Variants in INAFM2 observed in about 807,000 individuals in gnomAD.
INAFM2 encodes the protein InaF motif containing 2, also known as putative transmembrane protein INAFM2.
Under a neutral mutation model 5.6 loss-of-function variants are expected in INAFM2, and 3 were observed. That is an observed-to-expected ratio of 0.54 (90% CI 0.24 to 1.39). INAFM2 has a LOEUF of 1.39. INAFM2 is among the 40% of genes most tolerant of loss of function. The probability of loss-of-function intolerance (pLI) is 0.16; values close to 1 mark genes in which losing one functional copy is unlikely to be tolerated. For synonymous variants in INAFM2, 113 were observed against 109.1 expected, an observed-to-expected ratio of 1.04 and a Z score of -0.22; for missense variants, 186 against 217.5, an observed-to-expected ratio of 0.86 and a Z score of 0.91.
rs150755310 is a variant in INAFM2 at position 40,325,746 on chromosome 15, C to T, written c.*1229C>T. On this transcript the variant is annotated 3_prime_UTR_variant, in exon 1 of 1. Transcript: ENST00000638170. ...CTTTGAGAACCAGCTAATAGACCAG[C>T]CGAGGGAAGGTTGAATTGGCTGTCT... 1 of 152,282 alleles carries T rather than the reference C, an allele frequency of 6.6e-6. No individual in the cohort carries two copies. The highest frequency in any genetic ancestry group is 2.4e-5 in the African/African-American group (1 of 41,548). 9.4% of individuals were successfully genotyped at this position (152,282 alleles called of 1,614,324 possible).
At position 40,324,443 on chromosome 15, in the gene INAFM2, G is replaced by T. The variant is rs991341702; in HGVS notation, c.388G>T (p.Ala130Ser). The T allele has an allele frequency of 8.2e-7, 1 of 1,226,888 alleles. No individual in the cohort carries two copies. Among genetic ancestry groups the T allele is most frequent in the African/African-American group, 1.6e-5 (1 of 64,112 alleles). The allele number at this position is 1,226,888 out of a possible 1,614,324, so 76.0% of individuals were successfully genotyped here. ...GGAGCCCCCTGCGGACAGCCCCCCGGCCGGGCCGCTCGAGCGGCCTCGGGG... is the reference window on the plus strand; with the variant it reads ...GGAGCCCCCTGCGGACAGCCCCCCGTCCGGGCCGCTCGAGCGGCCTCGGGG... ...PPEPPADSPP[A>S]GPLERPRGPD... Residue 130 changes from alanine to serine, a missense_variant, in exon 1 of 1, where the codon GCC (alanine) becomes TCC (serine). By Grantham distance (99) the Ala-to-Ser change is moderately conservative. Around this residue, in one of 2 missense-constraint regions of INAFM2, gnomAD observed 148 missense variants for 140.2 expected, o/e 1.06. Coordinates refer to ENST00000638170, the MANE Select transcript of INAFM2 (RefSeq NM_001301268.2).
In INAFM2 at chr15:40,324,512, C is replaced by T. The variant is rs1230515604; in HGVS notation, c.457C>T (p.Arg153Cys). 1 of 1,226,084 alleles carries T rather than the reference C, an allele frequency of 8.2e-7. No homozygotes were observed. The highest frequency in any genetic ancestry group is 1.0e-6 in the Non-Finnish European group (1 of 984,348). The allele number at this position is 1,226,084 out of a possible 1,614,324, so 76.0% of individuals were successfully genotyped here. A position where few individuals can be genotyped will look rare whatever the true frequency, so the allele number is the denominator to read the frequency against. ...GGAAACGGCGGCGGCGCCCGGGAGT[C>T]GTTGAAGCCCTCCGCGCTGGGGGCC... is the stretch of plus-strand genomic sequence containing the variant. ...EEETAAAPGS[R>C] Residue 153 changes from arginine to cysteine, a missense_variant, in exon 1 of 1, where the codon CGT (arginine) becomes TGT (cysteine). This residue lies in a region of INAFM2 where 148 missense variants were observed against 140.2 expected (regional missense o/e 1.06). Transcript: ENST00000638170.
At position 40,324,284 on chromosome 15, in the gene INAFM2, C is replaced by G. The variant is rs1845696209; in HGVS notation, c.229C>G (p.Pro77Ala). Residue 77 changes from proline to alanine, a missense_variant, in exon 1 of 1, where the codon CCC becomes GCC. Pro to Ala is a conservative substitution (Grantham distance 27). Around this residue, in one of 2 missense-constraint regions of INAFM2, gnomAD observed 148 missense variants for 140.2 expected, o/e 1.06. Coordinates refer to ENST00000638170, the MANE Select transcript of INAFM2 (RefSeq NM_001301268.2). ...GTSGGAAGPP[P>A]GGSNATGPSG... ...CTCGGGGGGAGCCGCTGGCCCGCCC[C>G]CCGGCGGCTCCAACGCCACTGGCCC... 8.1e-7 allele frequency: 1 copy of G among 1,228,678 alleles called. No homozygotes were observed. Among genetic ancestry groups the G allele is most frequent in the Admixed American group, 4.2e-5 (1 of 23,600 alleles). 76.1% of individuals were successfully genotyped at this position (1,228,678 alleles called of 1,614,324 possible).
At position 40,324,327 on chromosome 15, in the gene INAFM2, C is replaced by G; in HGVS notation, c.272C>G (p.Ala91Gly). The G allele has an allele frequency of 8.2e-7, 1 of 1,222,818 alleles. No homozygotes were observed. Among genetic ancestry groups the G allele is most frequent in the Middle Eastern group, 3.1e-4 (1 of 3,176 alleles). The allele number at this position is 1,222,818 out of a possible 1,614,324, so 75.7% of individuals were successfully genotyped here. Residue 91 changes from alanine (A) to glycine (G), a missense_variant, in exon 1 of 1, where the codon GCG (alanine) becomes GGG (glycine). This residue lies in a region of INAFM2 where 148 missense variants were observed against 140.2 expected (regional missense o/e 1.06). Coordinates refer to ENST00000638170, the MANE Select transcript of INAFM2 (RefSeq NM_001301268.2). ...ACTGGCCCGTCTGGGACTTCGGGGG[C>G]GGCGGCGGCGGGGCCCAACACCACT... ...NATGPSGTSG[A>G]AAAGPNTTGS...
Position 40,324,178 on chromosome 15 carries a change from C to T in INAFM2, c.123C>T (p.Ala41=), listed in dbSNP as rs965480540. ...KKWVRLATVF[A]YVLSVSLAAI... ...GGGTCCGGCTCGCCACCGTGTTCGC[C>T]TACGTGCTCTCCGTGTCGCTGGCCG... The change falls in exon 1 of 1, where the codon GCC becomes GCT. Residue 41 remains alanine, a synonymous_variant. Transcript: ENST00000638170. The T allele has an allele frequency of 4.9e-6, 6 of 1,229,246 alleles. No individual in the cohort carries two copies. The African/African-American group carries it at 6.2e-5, about 13-fold the overall frequency. 76.1% of individuals were successfully genotyped at this position (1,229,246 alleles called of 1,614,324 possible).
rs1454626321 is a variant in INAFM2 at position 40,325,988 on chromosome 15, G to A, written c.*1471G>A. On this transcript the variant is annotated 3_prime_UTR_variant, in exon 1 of 1. Coordinates refer to ENST00000638170, the MANE Select transcript of INAFM2 (RefSeq NM_001301268.2). Reference sequence around the variant, plus strand: ...TAGTGTTTCCATTTTGGGAAATGAGGCACTATTTTTTTTTTTAAAAGACAA... The same window carrying A: ...TAGTGTTTCCATTTTGGGAAATGAGACACTATTTTTTTTTTTAAAAGACAA... The A allele has an allele frequency of 3.9e-5, 6 of 152,128 alleles. No individual in the cohort carries two copies. Among genetic ancestry groups the A allele is most frequent in the African/African-American group, 1.4e-4 (6 of 41,400 alleles). The allele number at this position is 152,128 out of a possible 1,614,324, so 9.4% of individuals were successfully genotyped here. A position where few individuals can be genotyped will look rare whatever the true frequency, so the allele number is the denominator to read the frequency against.
chr15:40,324,601 G>A lies in INAFM2; in HGVS notation c.*84G>A, dbSNP rs2141240272. ...CGCAGCAGGATGGGGTGGAGAGCCCGCGGGAGTGACCCCCACGAGAGTGAA... is the reference window on the plus strand; with the variant it reads ...CGCAGCAGGATGGGGTGGAGAGCCCACGGGAGTGACCCCCACGAGAGTGAA... On this transcript the variant is annotated 3_prime_UTR_variant, in exon 1 of 1. Transcript: ENST00000638170. 2 of 1,005,092 alleles carry A rather than the reference G, an allele frequency of 2.0e-6. No homozygotes were observed. The highest frequency in any genetic ancestry group is 2.5e-6 in the Non-Finnish European group (2 of 785,562). The allele number at this position is 1,005,092 out of a possible 1,614,324, so 62.3% of individuals were successfully genotyped here.
chr15:40,325,771 T>C lies in INAFM2; in HGVS notation c.*1254T>C, dbSNP rs1161939049. The stretch of plus-strand genomic sequence containing the variant: ...CCGAGGGAAGGTTGAATTGGCTGTC[T>C]TTACTTTTCCCGATAAGCCCTACTT... On this transcript the variant is annotated 3_prime_UTR_variant, in exon 1 of 1. Transcript: ENST00000638170. 2.6e-5 allele frequency: 4 copies of C among 152,238 alleles called. No individual in the cohort carries two copies. Among genetic ancestry groups the C allele is most frequent in the African/African-American group, 9.6e-5 (4 of 41,460 alleles). The allele number at this position is 152,238 out of a possible 1,614,324, so 9.4% of individuals were successfully genotyped here.
chr15:40,324,611 C>A lies in INAFM2; in HGVS notation c.*94C>A. The A allele has an allele frequency of 2.1e-6, 2 of 931,096 alleles. No homozygotes were observed. The highest frequency in any genetic ancestry group is 2.8e-6 in the Non-Finnish European group (2 of 718,758). The allele number at this position is 931,096 out of a possible 1,614,324, so 57.7% of individuals were successfully genotyped here. ...TGGGGTGGAGAGCCCGCGGGAGTGA[C>A]CCCCACGAGAGTGAACGCCCCTCAC... is the stretch of plus-strand genomic sequence containing the variant. On this transcript the variant is annotated 3_prime_UTR_variant, in exon 1 of 1. Transcript: ENST00000638170.
In INAFM2 at chr15:40,324,563, A is replaced by G. The variant is rs1379332200; in HGVS notation, c.*46A>G. ...GCCGGGAACCATTCTCCCCAAGCCC[A>G]GAGGCAGGACTTCGCAGCAGGATGG... On this transcript the variant is annotated 3_prime_UTR_variant, in exon 1 of 1. Coordinates refer to ENST00000638170, the MANE Select transcript of INAFM2 (RefSeq NM_001301268.2). The G allele has an allele frequency of 7.6e-6, 9 of 1,184,152 alleles. No individual in the cohort carries two copies. The Admixed American group carries it at 3.1e-4, about 40-fold the overall frequency. 73.4% of individuals were successfully genotyped at this position (1,184,152 alleles called of 1,614,324 possible).
rs969801821 is a variant in INAFM2, at chr15:40,325,345, C to G, written c.*828C>G. On this transcript the variant is annotated 3_prime_UTR_variant, in exon 1 of 1. Coordinates refer to ENST00000638170, the MANE Select transcript of INAFM2 (RefSeq NM_001301268.2). ...GTACTCATCCCCTCTTCTTTCCATCCTAGTGCCCCCACCAAAGAGGCTTCT... is the reference window on the plus strand; with the variant it reads ...GTACTCATCCCCTCTTCTTTCCATCGTAGTGCCCCCACCAAAGAGGCTTCT... 1 of 152,192 alleles carries G rather than the reference C, an allele frequency of 6.6e-6. No individual in the cohort carries two copies. Among genetic ancestry groups the G allele is most frequent in the East Asian group, 1.9e-4 (1 of 5,196 alleles). 9.4% of individuals were successfully genotyped at this position (152,192 alleles called of 1,614,324 possible). A position where few individuals can be genotyped will look rare whatever the true frequency, so the allele number is the denominator to read the frequency against.
In INAFM2 at chr15:40,324,760, A is replaced by C; in HGVS notation, c.*243A>C. On this transcript the variant is annotated 3_prime_UTR_variant, in exon 1 of 1. Transcript: ENST00000638170. The stretch of plus-strand genomic sequence containing the variant: ...AGGACCGTGCTGCACCAGGGCCCTG[A>C]GCCGTAGGGGGATGGGGGGAGGGGT... 1.3e-5 allele frequency: 4 copies of C among 297,242 alleles called. No individual in the cohort carries two copies. The highest frequency in any genetic ancestry group is 5.0e-5 in the East Asian group (1 of 19,846). 18.4% of individuals were successfully genotyped at this position (297,242 alleles called of 1,614,324 possible). A position where few individuals can be genotyped will look rare whatever the true frequency, so the allele number is the denominator to read the frequency against.
chr15:40,324,455 G>T lies in INAFM2; in HGVS notation c.400G>T (p.Glu134Ter). The change falls in exon 1 of 1, where the codon GAG becomes TAG. Residue 134 changes from glutamate to a stop codon, truncating the protein, a stop_gained. Transcript: ENST00000638170. LOFTEE classifies it high-confidence loss of function. ...GGACAGCCCCCCGGCCGGGCCGCTC[G>T]AGCGGCCTCGGGGGCCGGACGAGGA... ...PADSPPAGPLERPRGPDEDEE... is the reference protein window; with the variant it reads ...PADSPPAGPL 1.6e-6 allele frequency: 2 copies of T among 1,225,106 alleles called. No individual in the cohort carries two copies. The highest frequency in any genetic ancestry group is 8.3e-5 in the South Asian group (2 of 24,218). The allele number at this position is 1,225,106 out of a possible 1,614,324, so 75.9% of individuals were successfully genotyped here. A position where few individuals can be genotyped will look rare whatever the true frequency, so the allele number is the denominator to read the frequency against.
chr15:40,323,998 C>T lies in INAFM2; in HGVS notation c.-58C>T. ...CGCCCCCTGCCCAGTCCTTGCAGGC[C>T]GCCAGGCCCCCTCCAGCCGGGGCCG... On this transcript the variant is annotated 5_prime_UTR_variant, in exon 1 of 1. Transcript: ENST00000638170. This position sits in a 1 kb window ranked among gnomAD's most constrained non-coding sequence, Gnocchi z 5.6. The T allele has an allele frequency of 1.8e-6, 2 of 1,096,562 alleles. No homozygotes were observed. The highest frequency in any genetic ancestry group is 1.2e-6 in the Non-Finnish European group (1 of 868,696). The allele number at this position is 1,096,562 out of a possible 1,614,324, so 67.9% of individuals were successfully genotyped here.
At position 40,323,976 on chromosome 15, in the gene INAFM2, C is replaced by T; in HGVS notation, c.-80C>T. 1.2e-6 allele frequency: 1 copy of T among 833,390 alleles called. No individual in the cohort carries two copies. The highest frequency in any genetic ancestry group is 3.6e-5 in the East Asian group (1 of 27,588). 51.6% of individuals were successfully genotyped at this position (833,390 alleles called of 1,614,324 possible). ...CCGGGAACCGAGGGCGCCGGGCCGCCCCCTGCCCAGTCCTTGCAGGCCGCC... is the reference window on the plus strand; with the variant it reads ...CCGGGAACCGAGGGCGCCGGGCCGCTCCCTGCCCAGTCCTTGCAGGCCGCC... On this transcript the variant is annotated 5_prime_UTR_variant, in exon 1 of 1. Coordinates refer to ENST00000638170, the MANE Select transcript of INAFM2 (RefSeq NM_001301268.2). This position sits in a 1 kb window ranked among gnomAD's most constrained non-coding sequence, Gnocchi z 5.6.
rs1042239792 is a variant in INAFM2, at chr15:40,323,927, G to C, written c.-129G>C. On this transcript the variant is annotated 5_prime_UTR_variant, in exon 1 of 1. Transcript: ENST00000638170. This position sits in a 1 kb window ranked among gnomAD's most constrained non-coding sequence, Gnocchi z 5.6. ...GCGGGCTGCGGGCGGGCGGCGTGAG[G>C]AGCGGCGGCGGAGCGCGGGGCCGCC... is the stretch of plus-strand genomic sequence containing the variant. The C allele has an allele frequency of 1.7e-5, 6 of 350,052 alleles. No homozygotes were observed. Among genetic ancestry groups the C allele is most frequent in the Non-Finnish European group, 2.7e-5 (6 of 218,656 alleles). 21.7% of individuals were successfully genotyped at this position (350,052 alleles called of 1,614,324 possible).
Position 40,324,757 on chromosome 15 carries a change from C to A in INAFM2, c.*240C>A. On this transcript the variant is annotated 3_prime_UTR_variant, in exon 1 of 1. Transcript: ENST00000638170. ...CCCAGGACCGTGCTGCACCAGGGCC[C>A]TGAGCCGTAGGGGGATGGGGGGAGG... The A allele has an allele frequency of 3.0e-6, 1 of 330,712 alleles. No homozygotes were observed. The highest frequency in any genetic ancestry group is 5.4e-6 in the Non-Finnish European group (1 of 183,618). The allele number at this position is 330,712 out of a possible 1,614,324, so 20.5% of individuals were successfully genotyped here. A position where few individuals can be genotyped will look rare whatever the true frequency, so the allele number is the denominator to read the frequency against.
Position 40,324,839 on chromosome 15 carries a change from A to C in INAFM2, c.*322A>C, listed in dbSNP as rs758268757. 2 of 226,510 alleles carry C rather than the reference A, an allele frequency of 8.8e-6. No homozygotes were observed. Among genetic ancestry groups the C allele is most frequent in the Non-Finnish European group, 1.7e-5 (2 of 117,008 alleles). The allele number at this position is 226,510 out of a possible 1,614,324, so 14.0% of individuals were successfully genotyped here. On this transcript the variant is annotated 3_prime_UTR_variant, in exon 1 of 1. Transcript: ENST00000638170. ...CGCCGCTCGCTCTGGTGTATCCTAC[A>C]TGCAGGGGTGACTGGGGCTTTCCCC...
At position 40,325,790 on chromosome 15, in the gene INAFM2, C is replaced by T. The variant is rs1318166754; in HGVS notation, c.*1273C>T. On this transcript the variant is annotated 3_prime_UTR_variant, in exon 1 of 1. Coordinates refer to ENST00000638170, the MANE Select transcript of INAFM2 (RefSeq NM_001301268.2). ...GCTGTCTTTACTTTTCCCGATAAGC[C>T]CTACTTAAATGCAGCCTGTAATTGT... The T allele has an allele frequency of 6.6e-6, 1 of 152,094 alleles. No individual in the cohort carries two copies. Among genetic ancestry groups the T allele is most frequent in the African/African-American group, 2.4e-5 (1 of 41,426 alleles). The allele number at this position is 152,094 out of a possible 1,614,324, so 9.4% of individuals were successfully genotyped here. A position where few individuals can be genotyped will look rare whatever the true frequency, so the allele number is the denominator to read the frequency against.
Sources: allele counts gnomAD v4.1 joint callset, GRCh38; gene constraint gnomAD v4.1.1; regional missense constraint gnomAD v4.1.1; non-coding constraint Gnocchi (gnomAD v3.1); transcripts MANE v1.5; gene names NCBI Gene and HGNC (gene_info 2026-07-23, HGNC 2026-07-21).